Variants in THSD4 observed in about 807,000 individuals in gnomAD.
THSD4 encodes thrombospondin type 1 domain containing 4, also known as thrombospondin type-1 domain-containing protein 4.
THSD4 carries 69 observed loss-of-function variants against 119.0 expected under a neutral mutation model. That is an observed-to-expected ratio of 0.58 (90% confidence interval 0.48 to 0.71). THSD4 has a LOEUF of 0.71. THSD4 is among the 30% of genes least tolerant of loss of function. The probability of loss-of-function intolerance (pLI) is 0.00; values close to 1 mark genes in which losing one functional copy is unlikely to be tolerated. For synonymous variants in THSD4, 524 were observed against 540.4 expected (o/e 0.97, Z 0.42); for missense variants, 1,393 against 1,391.1 (o/e 1.00, Z -0.02).
At chr15:71,559,655 T>G (rs552918806) in intron 7 of THSD4, among the ~76,000 whole-genome samples, 4 of 152,010 alleles carry the variant, frequency 2.6e-5, no homozygotes, top group South Asian at 2.1e-4. Context: ...GGAAGAAGAA[T>G]AATATTCATC....
At chr15:71,134,060 C>T (rs945313565) in intron 1 of THSD4, among the ~76,000 whole-genome samples, 5 of 152,174 alleles carry the variant, frequency 3.3e-5, no homozygotes, top group African/African-American at 1.2e-4. Context: ...TGGGTTTTCA[C>T]GCTGCTCTGG....
At chr15:71,386,375 G>A (rs1015463322) in intron 6 of THSD4, among the ~76,000 whole-genome samples, 1 of 152,106 alleles carries the variant, frequency 6.6e-6, no homozygotes. Flanking sequence ...ACATAAGGAT[G>A]TACAATTATA....
chr15:71,634,887 A>G (rs1389351442), intron 7 of THSD4, among the ~76,000 whole-genome samples: 1 of 152,174 alleles, frequency 6.6e-6, no homozygotes, highest in Non-Finnish European at 1.5e-5. Context: ...ATTAGCAGCT[A>G]TTGAAGAGCC....
At chr15:71,328,821 A>G (rs901664966) in intron 6 of THSD4, among the ~76,000 whole-genome samples, 4 of 152,210 alleles carry the variant, frequency 2.6e-5, no homozygotes, top group African/African-American at 7.2e-5. Flanking sequence ...TGTCCCATCT[A>G]ATTTGCTCAT....
chr15:71,337,480 C>T (rs575201850), intron 6 of THSD4, among the ~76,000 whole-genome samples: 1 of 152,332 alleles, frequency 6.6e-6, no homozygotes, highest in South Asian at 2.1e-4. Flanking sequence ...CCTAGCTTAA[C>T]AAGGATCAGC....
chr15:71,194,849 C>T (rs1227488334), intron 3 of THSD4, among the ~76,000 whole-genome samples: 1 of 152,178 alleles, frequency 6.6e-6, no homozygotes, highest in Non-Finnish European at 1.5e-5. Flanking sequence ...ATGAAAACTA[C>T]ACATAGTTAT....
chr15:71,672,407 A>G (rs2051550832), intron 8 of THSD4, among the ~76,000 whole-genome samples: 1 of 152,194 alleles, frequency 6.6e-6, no homozygotes, highest in South Asian at 2.1e-4. Flanking sequence ...GGGGTTTTCT[A>G]AATATGCAAT....
chr15:71,453,522 G>A (rs1400924389), intron 7 of THSD4, among the ~76,000 whole-genome samples: 1 of 152,174 alleles, frequency 6.6e-6, no homozygotes, highest in African/African-American at 2.4e-5. Flanking sequence ...TTGGTGACAG[G>A]AGCAGATGTG....
intron 6 of THSD4, among the ~76,000 whole-genome samples, chr15:71,355,102 A>G (rs994442703): frequency 2.6e-5 from 4 of 152,220 alleles, no homozygotes; most frequent in Admixed American, 6.5e-5. Flanking sequence ...GTCAAGCCCT[A>G]TGTTAGAGTC....
At chr15:71,494,208 G>A (rs1179833381) in intron 7 of THSD4, among the ~76,000 whole-genome samples, 1 of 152,148 alleles carries the variant, frequency 6.6e-6, no homozygotes, top group African/African-American at 2.4e-5. Context: ...CTTATTGTTT[G>A]TATTTGCAAA....
At chr15:71,547,452 A>T in intron 7 of THSD4, 1 of 1,550,528 alleles carries the variant, frequency 6.4e-7, no homozygotes, top group Middle Eastern at 1.7e-4. Flanking sequence ...CCACGTTCAA[A>T]CAGCAGTGTT....
chr15:71,747,178 C>T, intron 13 of THSD4, 136 bp downstream of exon 13: 2 of 1,009,998 alleles, frequency 2.0e-6, no homozygotes, highest in Non-Finnish European at 2.9e-6. Flanking sequence ...GTCTGGACGG[C>T]TGTTTTTGCA....
chr15:71,709,625 C>T (rs1023836975), intron 8 of THSD4, among the ~76,000 whole-genome samples: 5 of 152,268 alleles, frequency 3.3e-5, no homozygotes, highest in African/African-American at 2.4e-5. Flanking sequence ...AAGCTGTCTT[C>T]GTATTTTCTT....
At chr15:71,210,054 T>C (rs1372948192) in intron 3 of THSD4, among the ~76,000 whole-genome samples, 2 of 152,222 alleles carry the variant, frequency 1.3e-5, no homozygotes, top group East Asian at 3.8e-4. Context: ...AACGGATTAA[T>C]ACATTGGGTA....
intron 7 of THSD4, among the ~76,000 whole-genome samples, chr15:71,533,433 G>A (rs563280689): frequency 6.6e-6 from 1 of 152,210 alleles, no homozygotes; most frequent in South Asian, 2.1e-4. Flanking sequence ...ACACCAATCA[G>A]TGTCACTAAA....
chr15:71,637,196 A>G (rs911413768), intron 7 of THSD4, among the ~76,000 whole-genome samples: 12 of 152,134 alleles, frequency 7.9e-5, no homozygotes, highest in South Asian at 2.1e-4. Flanking sequence ...CTCAAGTCCA[A>G]TTAACTATTT....
chr15:71,299,496 C>G (rs745861508), intron 6 of THSD4, among the ~76,000 whole-genome samples: 1 of 152,178 alleles, frequency 6.6e-6, no homozygotes, highest in Non-Finnish European at 1.5e-5. Flanking sequence ...CATTATCTCA[C>G]TTGTATGTGA....
At chr15:71,731,670 C>A (rs2052983111) in intron 10 of THSD4, 1 of 180,312 alleles carries the variant, frequency 5.5e-6, no homozygotes, top group South Asian at 1.3e-4. Flanking sequence ...GCAATCCCAG[C>A]TACTCAGGAG....
chr15:71,492,946 T>G (rs1199149639), intron 7 of THSD4, among the ~76,000 whole-genome samples: 2 of 152,112 alleles, frequency 1.3e-5, no homozygotes, highest in Middle Eastern at 3.4e-3. Flanking sequence ...GGTTAATCAC[T>G]GTAATGAGGA....
Sources: allele counts gnomAD v4.1 joint callset (sites outside exome capture counted in the v4.1 genomes callset), GRCh38; gene constraint gnomAD v4.1.1; transcripts MANE v1.5; gene names NCBI Gene and HGNC (gene_info 2026-07-23, HGNC 2026-07-21).